AP5M1: variants seen among roughly 807,000 people sequenced by gnomAD.
AP5M1 encodes the protein AP-5 complex subunit mu-1.
AP5M1 carries 44 observed loss-of-function variants against 52.3 expected under a neutral mutation model. The ratio of observed to expected loss-of-function variants is 0.84; its 90% CI spans 0.66 to 1.08. The LOEUF (loss-of-function observed/expected upper bound fraction) is 1.08. AP5M1 is among the 50% of genes least tolerant of loss of function. The pLI is 0.00. For synonymous variants in AP5M1, 213 were observed against 199.0 expected, an observed-to-expected ratio of 1.07 and a Z score of -0.59; for missense variants, 526 against 568.4, an observed-to-expected ratio of 0.93 and a Z score of 0.76.
In AP5M1 at chr14:57,274,274, A is replaced by G. The variant is rs749010126; in HGVS notation, c.105A>G (p.Arg35=). 1 of 1,612,650 alleles carries G rather than the reference A, an allele frequency of 6.2e-7. No individual in the cohort carries two copies. Among genetic ancestry groups the G allele is most frequent in the Non-Finnish European group, 8.5e-7 (1 of 1,179,234 alleles). ...ATCCAACTGTTGAAAAACGAGCCAG[A>G]GTCTTCAATGGAGCAAGTTATGTGC... ...RRYPTVEKRA[R]VFNGASYVPV... is the part of the protein sequence containing the mutation. The change falls in exon 2 of 8, where the codon AGA becomes AGG. Residue 35 remains arginine (R), a synonymous_variant. Coordinates refer to ENST00000261558, the MANE Select transcript of AP5M1 (RefSeq NM_018229.4).
rs892877643 is a variant in AP5M1 at position 57,291,349 on chromosome 14, AATT to A, written c.*2469_*2471del. ...GAAATCTGATGTCTATCACATAGGT[AATT>A]ATTCTTCAATAAACTCGAAAGGTTA... On this transcript the variant is annotated 3_prime_UTR_variant, in exon 8 of 8. Coordinates refer to ENST00000261558, the MANE Select transcript of AP5M1 (RefSeq NM_018229.4). The A allele has an allele frequency of 5.9e-5, 9 of 151,816 alleles. No individual in the cohort carries two copies. The highest frequency in any genetic ancestry group is 1.7e-4 in the African/African-American group (7 of 41,378). The allele number at this position is 151,816 out of a possible 1,614,324, so 9.4% of individuals were successfully genotyped here. A position where few individuals can be genotyped will look rare whatever the true frequency, so the allele number is the denominator to read the frequency against.
chr14:57,274,713 G>A lies in AP5M1; in HGVS notation c.544G>A (p.Asp182Asn), dbSNP rs778070412. The A allele has an allele frequency of 2.5e-5, 41 of 1,614,056 alleles. 1 individual carries two copies. In the Admixed American group the frequency reaches 6.8e-4, roughly 27 times the overall value. ...LLDANLQNSLDNTNFASVTQP... is the reference protein window; with the variant it reads ...LLDANLQNSLNNTNFASVTQP... ...AGATGCCAACTTACAGAATTCATTAGATAATACCAATTTTGCATCTGTGAC... is the reference window on the plus strand; with the variant it reads ...AGATGCCAACTTACAGAATTCATTAAATAATACCAATTTTGCATCTGTGAC... The change falls in exon 2 of 8, where the codon GAT (aspartate) becomes AAT (asparagine). Residue 182 changes from aspartate to asparagine, a missense_variant. Physicochemically the swap from Asp to Asn is conservative, Grantham distance 23. Coordinates refer to ENST00000261558, the MANE Select transcript of AP5M1 (RefSeq NM_018229.4).
Position 57,294,573 on chromosome 14 carries a change from C to T in AP5M1, c.*5689C>T, listed in dbSNP as rs2139703642. ...TTTATATTAACTCTTATTAATTTGC[C>T]AGTGGTTGAAGTTGGAGTTTCTTTT... On this transcript the variant is annotated 3_prime_UTR_variant, in exon 8 of 8. Transcript: ENST00000261558. 1 of 151,822 alleles carries T rather than the reference C, an allele frequency of 6.6e-6. No individual in the cohort carries two copies. The highest frequency in any genetic ancestry group is 2.4e-5 in the African/African-American group (1 of 41,458). 9.4% of individuals were successfully genotyped at this position (151,822 alleles called of 1,614,324 possible). A position where few individuals can be genotyped will look rare whatever the true frequency, so the allele number is the denominator to read the frequency against.
chr14:57,278,530 C>T (rs374678326), intron 2 of AP5M1: 5 of 152,316 alleles, frequency 3.3e-5, no homozygotes, highest in East Asian at 1.9e-4. Context: ...CCTTGTGAAT[C>T]TCTCATGAGT....
At chr14:57,280,515 T>C (rs1885146896) in intron 3 of AP5M1, 93 bp downstream of exon 3, 1 of 853,486 alleles carries the variant, frequency 1.2e-6, no homozygotes, top group Admixed American at 2.5e-5. Context: ...TATGAGAACT[T>C]AGAAAAAGTT....
chr14:57,277,070 T>C (rs1207263453), intron 2 of AP5M1, among the ~76,000 whole-genome samples: 1 of 152,046 alleles, frequency 6.6e-6, no homozygotes, highest in Non-Finnish European at 1.5e-5. Context: ...CTGTATGTCT[T>C]TAGAAAGTTA....
rs1340637066 is a variant in AP5M1, at chr14:57,292,586, A to C, written c.*3702A>C. 6.6e-6 allele frequency: 1 copy of C among 151,838 alleles called. No homozygotes were observed. Among genetic ancestry groups the C allele is most frequent in the Non-Finnish European group, 1.5e-5 (1 of 67,834 alleles). 9.4% of individuals were successfully genotyped at this position (151,838 alleles called of 1,614,324 possible). ...TCGCCTAACAATGATATTAGGAAAC[A>C]TAGGCTTTGAAGAAAGAAGAAACAA... On this transcript the variant is annotated 3_prime_UTR_variant, in exon 8 of 8. Coordinates refer to ENST00000261558, the MANE Select transcript of AP5M1 (RefSeq NM_018229.4).
At chr14:57,285,012 GAAAT>G (rs1237193873) in intron 6 of AP5M1, among the ~76,000 whole-genome samples, 1 of 151,644 alleles carries the variant, frequency 6.6e-6, no homozygotes, top group African/African-American at 2.4e-5. Context: ...TGAGGCAGTG[GAAAT>G]AAATAAGATC....
chr14:57,281,666 C>T (rs1885177648), intron 3 of AP5M1, among the ~76,000 whole-genome samples: 1 of 152,224 alleles, frequency 6.6e-6, no homozygotes, highest in South Asian at 2.1e-4. Flanking sequence ...TCACCCCAGC[C>T]TACAAGTTGT....
In AP5M1 at chr14:57,274,813, A is replaced by G; in HGVS notation, c.644A>G (p.Glu215Gly). 1 of 1,614,210 alleles carries G rather than the reference A, an allele frequency of 6.2e-7. No individual in the cohort carries two copies. Among genetic ancestry groups the G allele is most frequent in the Non-Finnish European group, 8.5e-7 (1 of 1,180,032 alleles). ...CCACAAGTTTCTATTTCTATCACTG[A>G]AAAGGTAAAATCCATGCAATATGAT... is the stretch of plus-strand genomic sequence containing the variant. ...GKPQVSISIT[E>G]KVKSMQYDKQ... Residue 215 changes from glutamate to glycine, a missense_variant, in exon 2 of 8, where the codon GAA becomes GGA. Coordinates refer to ENST00000261558, the MANE Select transcript of AP5M1 (RefSeq NM_018229.4).
At position 57,289,134 on chromosome 14, in the gene AP5M1, C is replaced by T; in HGVS notation, c.*250C>T. Reference sequence around the variant, plus strand: ...CAGAACATAGAAAAGTAATGATTCACTTGGGCTCATTTTAGACTGGTCCTG... The same window carrying T: ...CAGAACATAGAAAAGTAATGATTCATTTGGGCTCATTTTAGACTGGTCCTG... On this transcript the variant is annotated 3_prime_UTR_variant, in exon 8 of 8. Transcript: ENST00000261558. 3.9e-6 allele frequency: 1 copy of T among 259,020 alleles called. No individual in the cohort carries two copies. The highest frequency in any genetic ancestry group is 5.4e-5 in the South Asian group (1 of 18,350). 16.0% of individuals were successfully genotyped at this position (259,020 alleles called of 1,614,324 possible). A position where few individuals can be genotyped will look rare whatever the true frequency, so the allele number is the denominator to read the frequency against.
chr14:57,294,462 ATATC>A lies in AP5M1; in HGVS notation c.*5582_*5585del, dbSNP rs1171079929. On this transcript the variant is annotated 3_prime_UTR_variant, in exon 8 of 8. Transcript: ENST00000261558. ...GGTTATAAAGAGATAATTAGTGACT[ATATC>A]TATTTTAAAACCCTGTGATTTTTCT... The A allele has an allele frequency of 6.6e-6, 1 of 151,998 alleles. No homozygotes were observed. Among genetic ancestry groups the A allele is most frequent in the African/African-American group, 2.4e-5 (1 of 41,534 alleles). 9.4% of individuals were successfully genotyped at this position (151,998 alleles called of 1,614,324 possible). A position where few individuals can be genotyped will look rare whatever the true frequency, so the allele number is the denominator to read the frequency against.
chr14:57,286,138 C>A, intron 6 of AP5M1, 85 bp from the exon 7 acceptor site: 1 of 884,124 alleles, frequency 1.1e-6, no homozygotes. Flanking sequence ...AATAAATTCC[C>A]TAAGACTGGG....
Position 57,269,201 on chromosome 14 carries a change from G to A in AP5M1, c.-114G>A, listed in dbSNP as rs1012023693. The A allele has an allele frequency of 1.9e-5, 19 of 997,540 alleles. No individual in the cohort carries two copies. Among genetic ancestry groups the A allele is most frequent in the Middle Eastern group, 2.8e-4 (1 of 3,578 alleles). 61.8% of individuals were successfully genotyped at this position (997,540 alleles called of 1,614,324 possible). A position where few individuals can be genotyped will look rare whatever the true frequency, so the allele number is the denominator to read the frequency against. ...CTCTGCTGAGCGCGACCGGTATGCG[G>A]CGCAGGATGAGCCTCAGGGCTTCTG... is the stretch of plus-strand genomic sequence containing the variant. On this transcript the variant is annotated 5_prime_UTR_variant, in exon 1 of 8. Coordinates refer to ENST00000261558, the MANE Select transcript of AP5M1 (RefSeq NM_018229.4).
intron 2 of AP5M1, among the ~76,000 whole-genome samples, chr14:57,277,218 C>G (rs1287119671): frequency 6.6e-6 from 1 of 151,310 alleles, no homozygotes; most frequent in Non-Finnish European, 1.5e-5. Flanking sequence ...CCAATTCCTT[C>G]TAGAATGGAT....
rs1296861925 is a variant in AP5M1, at chr14:57,269,334, G to A, written c.20G>A (p.Trp7Ter). 6.2e-7 allele frequency: 1 copy of A among 1,614,154 alleles called. No homozygotes were observed. The highest frequency in any genetic ancestry group is 1.7e-5 in the Admixed American group (1 of 60,018). Residue 7 changes from tryptophan to a stop codon, truncating the protein, a stop_gained, in exon 1 of 8, where the codon TGG becomes TAG. Transcript: ENST00000261558. LOFTEE classifies it high-confidence loss of function. The stretch of plus-strand genomic sequence containing the variant: ...TTAACCATGGCGCAGCGGGCAGTGT[G>A]GCTCATAAGCCACGAACCGGGAACT... MAQRAV[W>*]LISHEPGTPL...
At chr14:57,275,432 AGAGAGAAGAGAGAAG>A (rs1025856649) in intron 2 of AP5M1, 6 of 145,780 alleles carry the variant, frequency 4.1e-5, no homozygotes, top group African/African-American at 1.7e-4. Context: ...AGAGAGAGAG[AGAGAGAAGAGAGAAG>A]AGAGAGAAGA....
intron 2 of AP5M1, among the ~76,000 whole-genome samples, chr14:57,279,267 A>T (rs1269089866): frequency 1.3e-5 from 2 of 152,218 alleles, no homozygotes; most frequent in African/African-American, 4.8e-5. Context: ...TAGTAAAGAC[A>T]TGGAATCAAC....
At chr14:57,285,020 T>C (rs1885274255) in intron 6 of AP5M1, among the ~76,000 whole-genome samples, 1 of 150,398 alleles carries the variant, frequency 6.6e-6, no homozygotes, top group African/African-American at 2.4e-5. Context: ...TGGAAATAAA[T>C]AAGATCAGAA....
Sources: gnomAD v4.1 joint callset for allele counts (sites outside exome capture counted in the v4.1 genomes callset) on GRCh38, gnomAD v4.1.1 for gene constraint, MANE v1.5 for transcripts, NCBI Gene and HGNC (gene_info 2026-07-23, HGNC 2026-07-21) for gene names.